The following ECPAS variants were observed in gnomAD, a reference collection of about 807,000 sequenced individuals.
ECPAS encodes Ecm29 proteasome adaptor and scaffold.
ECPAS carries 70 observed loss-of-function variants against 255.1 expected under a neutral mutation model. The ratio of observed to expected loss-of-function variants is 0.27; its 90% confidence interval spans 0.23 to 0.33. The LOEUF (loss-of-function observed/expected upper bound fraction) is 0.33. Ranked by LOEUF, ECPAS falls within the 10% of genes least tolerant of loss-of-function variation. ECPAS has a pLI of 1.00. For synonymous variants in ECPAS, 784 were observed against 775.0 expected, an observed-to-expected ratio of 1.01 and a Z score of -0.19; for missense variants, 1,817 against 2,206.4, an observed-to-expected ratio of 0.82 and a Z score of 3.54.
intron 3 of ECPAS, among the ~76,000 whole-genome samples, chr9:111,446,989 TA>T (rs1454979071): frequency 6.6e-6 from 1 of 152,182 alleles, no homozygotes; most frequent in Non-Finnish European, 1.5e-5. Flanking sequence ...CAGGAGGAAC[TA>T]GTCTAAAGGA....
intron 2 of ECPAS, among the ~76,000 whole-genome samples, chr9:111,461,826 G>A (rs917402172): frequency 6.6e-6 from 1 of 152,218 alleles, no homozygotes; most frequent in Non-Finnish European, 1.5e-5. Context: ...TTTCAATCAT[G>A]GCAGAAGGCA....
intron 39 of ECPAS, among the ~76,000 whole-genome samples, chr9:111,373,734 T>C (rs2098130197): frequency 6.6e-6 from 1 of 152,170 alleles, no homozygotes; most frequent in East Asian, 1.9e-4. Context: ...GAGGATACTT[T>C]TACCTCCTTA....
intron 7 of ECPAS, among the ~76,000 whole-genome samples, chr9:111,436,067 G>A (rs2098237813): frequency 6.6e-6 from 1 of 150,804 alleles, no homozygotes; most frequent in Non-Finnish European, 1.5e-5. Context: ...CATGAAGAAG[G>A]AAATCAAATC....
At chr9:111,436,160 G>GA (rs1207289366) in intron 7 of ECPAS, among the ~76,000 whole-genome samples, 2 of 151,850 alleles carry the variant, frequency 1.3e-5, no homozygotes. Context: ...CCCTCTCCTG[G>GA]GAATACTGTT....
intron 1 of ECPAS, among the ~76,000 whole-genome samples, chr9:111,477,631 A>C (rs2098298091): frequency 6.6e-6 from 1 of 152,172 alleles, no homozygotes; most frequent in Non-Finnish European, 1.5e-5. Flanking sequence ...AAATTTTGCA[A>C]TCAGAGAATC....
Position 111,383,226 on chromosome 9 carries a change from T to TCCGTCACGAGCA in ECPAS, c.3787_3788insTGCTCGTGACGG (p.Thr1262_Glu1263insValLeuValThr). The TCCGTCACGAGCA allele has an allele frequency of 6.2e-7, 1 of 1,613,840 alleles. No individual in the cohort carries two copies. Among genetic ancestry groups the TCCGTCACGAGCA allele is most frequent in the African/African-American group, 1.3e-5 (1 of 75,044 alleles). ...GGATGCACACCTGAGGGCTCGAACT[T>TCCGTCACGAGCA]CCGTCACGGTGCTCATCATTCCTTT... On this transcript the variant is annotated inframe_insertion, in exon 35 of 50. Transcript: ENST00000684092.
Position 111,369,072 on chromosome 9 carries a change from G to T in ECPAS, c.5076C>A (p.Ser1692Arg). 6.3e-7 allele frequency: 1 copy of T among 1,596,934 alleles called. No individual in the cohort carries two copies. Among genetic ancestry groups the T allele is most frequent in the Non-Finnish European group, 8.5e-7 (1 of 1,174,232 alleles). The change falls in exon 46 of 50, where the codon AGC becomes AGA. Residue 1692 changes from serine to arginine, a missense_variant. Transcript: ENST00000684092. ...QLEYLLGAFE[S>R]LGKAWPRNAE... The stretch of plus-strand genomic sequence containing the variant: ...CGTTTCGCGGCCAGGCTTTGCCCAG[G>T]CTTTCAAAGGCACCCAGCAGATATT...
Position 111,362,114 on chromosome 9 carries a change from A to G in ECPAS, c.5436T>C (p.Ser1812=), listed in dbSNP as rs369702397. The change falls in exon 50 of 50, where the codon TCT becomes TCC. Residue 1812 remains serine, a synonymous_variant. Coordinates refer to ENST00000684092, the MANE Select transcript of ECPAS (RefSeq NM_001364929.1). ...TGCTGTCTGGCTCCATAGTAGCTAAAGACTCAATTAGGAGCACTCTGCATT... is the reference window on the plus strand; with the variant it reads ...TGCTGTCTGGCTCCATAGTAGCTAAGGACTCAATTAGGAGCACTCTGCATT... ...TSECRVLLIE[S]LATMEPDSRP... is the part of the protein sequence containing the mutation. The G allele has an allele frequency of 1.2e-3, 1,988 of 1,612,228 alleles. 5 individuals are homozygous for G. Among genetic ancestry groups the G allele is most frequent in the Non-Finnish European group, 1.4e-3 (1,649 of 1,179,138 alleles).
intron 1 of ECPAS, among the ~76,000 whole-genome samples, chr9:111,477,945 G>C (rs941699453): frequency 1.3e-5 from 2 of 149,338 alleles, no homozygotes; most frequent in African/African-American, 2.5e-5. Flanking sequence ...TTGTCACCCA[G>C]GCTAGAGTGC....
chr9:111,426,596 C>A (rs976377850), intron 10 of ECPAS, among the ~76,000 whole-genome samples: 9 of 151,832 alleles, frequency 5.9e-5, no homozygotes, highest in African/African-American at 2.2e-4. Context: ...TGGCTCACAC[C>A]TACAGTCCCA....
rs946324679 is a variant in ECPAS at position 111,385,319 on chromosome 9, G to C, written c.3633+18C>G. On this transcript the variant is annotated intron_variant, in intron 33 of 49. Coordinates refer to ENST00000684092, the MANE Select transcript of ECPAS (RefSeq NM_001364929.1). ...TTAACTTTTTGTATATATAAATGCT[G>C]ATTTATTTCTATAATACCTTGATAT... is the stretch of plus-strand genomic sequence containing the variant. The C allele has an allele frequency of 7.7e-6, 9 of 1,165,560 alleles. No homozygotes were observed. Among genetic ancestry groups the C allele is most frequent in the Non-Finnish European group, 1.1e-5 (9 of 816,420 alleles). 72.2% of individuals were successfully genotyped at this position (1,165,560 alleles called of 1,614,324 possible).
rs571895700 is a variant in ECPAS at position 111,417,306 on chromosome 9, A to G, written c.1683+577T>C. Among the ~76,000 whole-genome samples, 46 of 152,324 alleles carry G rather than the reference A, an allele frequency of 3.0e-4. 1 individual carries two copies. The South Asian group carries it at 7.9e-3, about 26-fold the overall frequency. ...TAAGCATGTCATATTAAGGGAAAAA[A>G]TATTTAACACAGCCAAAATGTTGCC... is the stretch of plus-strand genomic sequence containing the variant. On this transcript the variant is annotated intron_variant, in intron 17 of 49. Transcript: ENST00000684092.
intron 2 of ECPAS, among the ~76,000 whole-genome samples, chr9:111,461,326 G>A (rs376726023): frequency 6.4e-4 from 97 of 151,856 alleles, no homozygotes; most frequent in Admixed American, 1.7e-3. Context: ...TTAGCTGGGC[G>A]TGGTGGCGTG....
chr9:111,460,672 T>C (rs1022807405), intron 2 of ECPAS, among the ~76,000 whole-genome samples: 3 of 152,030 alleles, frequency 2.0e-5, no homozygotes, highest in African/African-American at 7.2e-5. Context: ...AAAACAAAAT[T>C]TGAAAACACC....
At chr9:111,476,728 T>C (rs1165361740) in intron 1 of ECPAS, among the ~76,000 whole-genome samples, 3 of 152,042 alleles carry the variant, frequency 2.0e-5, no homozygotes, top group Non-Finnish European at 4.4e-5. Flanking sequence ...AGTGGCACAA[T>C]CTTGGCTCAC....
intron 2 of ECPAS, among the ~76,000 whole-genome samples, chr9:111,462,008 C>T (rs2098273775): frequency 6.6e-6 from 1 of 152,198 alleles, no homozygotes; most frequent in Admixed American, 6.5e-5. Flanking sequence ...GCATCCCTCC[C>T]ACAGCACATG....
Position 111,370,502 on chromosome 9 carries a change from A to G in ECPAS, c.4907T>C (p.Ile1636Thr), listed in dbSNP as rs368203145. The G allele has an allele frequency of 2.5e-6, 4 of 1,611,412 alleles. No homozygotes were observed. The highest frequency in any genetic ancestry group is 1.7e-5 in the Admixed American group (1 of 59,740). Residue 1636 changes from isoleucine to threonine, a missense_variant, in exon 45 of 50, where the codon ATC becomes ACC. Coordinates refer to ENST00000684092, the MANE Select transcript of ECPAS (RefSeq NM_001364929.1). Reference sequence around the variant, plus strand: ...TCTGTCCTCTTTGGTGGCCTTCAAGATATCAGCTGCACAGCTGATTGCTAC... The same window carrying G: ...TCTGTCCTCTTTGGTGGCCTTCAAGGTATCAGCTGCACAGCTGATTGCTAC... The part of the protein sequence containing the change: ...KIVAISCAAD[I>T]LKATKEDRFQ...
intron 2 of ECPAS, among the ~76,000 whole-genome samples, chr9:111,454,275 T>A (rs2098264059): frequency 7.8e-6 from 1 of 127,400 alleles, no homozygotes; most frequent in African/African-American, 2.9e-5. Flanking sequence ...ACCTAGAGAA[T>A]CTCTGTCAAA....
rs139525017 is a variant in ECPAS, at chr9:111,446,654, C to T, written c.154-2160G>A. 5.3e-4 allele frequency among the ~76,000 whole-genome samples: 80 copies of T among 152,264 alleles called. 1 individual carries two copies. The highest frequency in any genetic ancestry group is 1.8e-3 in the African/African-American group (74 of 41,546). On this transcript the variant is annotated intron_variant, in intron 3 of 49. Transcript: ENST00000684092. ...TTTATCACAGTTTCTATGCACTCTTCCCCCAGGCATTCCTTATCTAATACG... is the reference window on the plus strand; with the variant it reads ...TTTATCACAGTTTCTATGCACTCTTTCCCCAGGCATTCCTTATCTAATACG...
Sources: allele counts gnomAD v4.1 joint callset (sites outside exome capture counted in the v4.1 genomes callset), GRCh38; gene constraint gnomAD v4.1.1; transcripts MANE v1.5; gene names NCBI Gene and HGNC (gene_info 2026-07-23, HGNC 2026-07-21).